MTMR7: variants seen among roughly 807,000 people sequenced by gnomAD.
MTMR7 encodes myotubularin related protein 7, also known as phosphatidylinositol-3-phosphate phosphatase MTMR7.
In MTMR7, 76 loss-of-function variants were observed where a neutral mutation model predicts 81.2. The ratio of observed to expected loss-of-function variants is 0.94; its 90% CI spans 0.78 to 1.13. The LOEUF (loss-of-function observed/expected upper bound fraction) is 1.13, where lower values mean the gene tolerates loss of function less well. Among genes scored for constraint, MTMR7 ranks in the 50% most tolerant of loss-of-function variants. MTMR7 has a pLI of 0.00. For missense variants in MTMR7, 1,044 were observed against 820.0 expected, an observed-to-expected ratio of 1.27 and a Z score of -3.34; for synonymous variants, 372 against 289.8, an observed-to-expected ratio of 1.28 and a Z score of -2.88.
At chr8:17,407,066 C>CA (rs1408448128) in intron 1 of MTMR7, among the ~76,000 whole-genome samples, 14 of 151,766 alleles carry the variant, frequency 9.2e-5, no homozygotes, top group Non-Finnish European at 1.8e-4. Flanking sequence ...GTGAATATAC[C>CA]AAAAAATCAC....
At chr8:17,372,186 C>T (rs1297556621) in intron 2 of MTMR7, among the ~76,000 whole-genome samples, 1 of 152,120 alleles carries the variant, frequency 6.6e-6, no homozygotes, top group Non-Finnish European at 1.5e-5. Flanking sequence ...GTTTCCCCTC[C>T]ACTAAGAAGT....
At chr8:17,380,443 G>T (rs1362945196) in intron 1 of MTMR7, among the ~76,000 whole-genome samples, 1 of 152,006 alleles carries the variant, frequency 6.6e-6, no homozygotes, top group Admixed American at 6.6e-5. Context: ...GATCCTGCAG[G>T]GAACAGGTGG....
At chr8:17,376,849 T>C (rs1820604804) in intron 1 of MTMR7, among the ~76,000 whole-genome samples, 1 of 152,154 alleles carries the variant, frequency 6.6e-6, no homozygotes, top group Non-Finnish European at 1.5e-5. Flanking sequence ...GCCTTTTTGA[T>C]ATGTATTTGG....
chr8:17,368,067 A>C (rs2150562519), intron 3 of MTMR7, among the ~76,000 whole-genome samples: 1 of 151,380 alleles, frequency 6.6e-6, no homozygotes, highest in East Asian at 1.9e-4. Context: ...GTGGAAGACA[A>C]TTTTTCTGTG....
chr8:17,333,330 T>C (rs1272256973), intron 6 of MTMR7, among the ~76,000 whole-genome samples: 3 of 152,242 alleles, frequency 2.0e-5, no homozygotes, highest in Non-Finnish European at 4.4e-5. Flanking sequence ...TTTGTAAAAT[T>C]ACCTATAGAC....
chr8:17,348,909 C>G, intron 5 of MTMR7, 44 bp downstream of exon 5: 1 of 1,611,372 alleles, frequency 6.2e-7, no homozygotes, highest in Non-Finnish European at 8.5e-7. Flanking sequence ...TTATGATAAA[C>G]TAGAAAAGCA....
At chr8:17,313,992 G>C (rs1015908175) in intron 7 of MTMR7, among the ~76,000 whole-genome samples, 1 of 152,198 alleles carries the variant, frequency 6.6e-6, no homozygotes, top group African/African-American at 2.4e-5. Context: ...TAGAGCATCA[G>C]GGTAGAGGCT....
intron 1 of MTMR7, among the ~76,000 whole-genome samples, chr8:17,401,040 T>C (rs1241214253): frequency 1.3e-5 from 2 of 152,142 alleles, no homozygotes; most frequent in South Asian, 2.1e-4. Flanking sequence ...TTCAGTGTTG[T>C]ATATAAATGC....
At chr8:17,318,830 G>A (rs932559786) in intron 7 of MTMR7, among the ~76,000 whole-genome samples, 5 of 152,168 alleles carry the variant, frequency 3.3e-5, no homozygotes, top group African/African-American at 1.2e-4. Context: ...AGCCTCCACA[G>A]GCATCCTCTC....
In MTMR7 at chr8:17,373,440, A is replaced by G. The variant is rs1438167957; in HGVS notation, c.25-200T>C. The stretch of plus-strand genomic sequence containing the variant: ...GTATATTAAAAGATGAACATTCACC[A>G]GTTACGAAAATATGAGTTTAAAGGT... On this transcript the variant is annotated intron_variant, in intron 1 of 13. Coordinates refer to ENST00000180173, the MANE Select transcript of MTMR7 (RefSeq NM_004686.5). Among the ~76,000 whole-genome samples the G allele has an allele frequency of 7.2e-5, 11 of 152,226 alleles. 1 individual carries two copies. The highest frequency in any genetic ancestry group is 7.2e-4 in the Admixed American group (11 of 15,286).
intron 1 of MTMR7, among the ~76,000 whole-genome samples, chr8:17,375,658 A>G (rs1820563528): frequency 6.6e-6 from 1 of 152,204 alleles, no homozygotes; most frequent in African/African-American, 2.4e-5. Context: ...TAAGGCTAGT[A>G]GCCCAAGGCC....
chr8:17,412,454 G>A (rs1462643914), intron 1 of MTMR7, among the ~76,000 whole-genome samples: 1 of 152,034 alleles, frequency 6.6e-6, no homozygotes, highest in Non-Finnish European at 1.5e-5. Context: ...ACTCGTTTAG[G>A]GTTTTTATCA....
chr8:17,376,416 G>A (rs1383783456), intron 1 of MTMR7, among the ~76,000 whole-genome samples: 3 of 152,178 alleles, frequency 2.0e-5, no homozygotes, highest in Non-Finnish European at 4.4e-5. Flanking sequence ...ATAAGTTTTT[G>A]TATGGACATA....
rs367618699 is a variant in MTMR7 at position 17,300,053 on chromosome 8, C to G, written c.1792G>C (p.Asp598His). 5.0e-6 allele frequency: 8 copies of G among 1,614,144 alleles called. No individual in the cohort carries two copies. In the Admixed American group the frequency reaches 5.0e-5, roughly 10 times the overall value. ...SFPSRSPSQG[D>H]EDSALILTQD... ...GTTAGAATCAGAGCAGAATCTTCATCGCCTTGTGAAGGGCTCCGGGATGGA... is the reference window on the plus strand; with the variant it reads ...GTTAGAATCAGAGCAGAATCTTCATGGCCTTGTGAAGGGCTCCGGGATGGA... Residue 598 changes from aspartate to histidine, a missense_variant, in exon 14 of 14, where the codon GAT becomes CAT. Transcript: ENST00000180173.
chr8:17,305,639 C>T lies in MTMR7; in HGVS notation c.1352+118G>A, dbSNP rs1817399259. ...GAAAAAGAAAATAAAACTAATCTGT[C>T]AGTATAGGTATGTGACTAAATGAAA... On this transcript the variant is annotated intron_variant, in intron 11 of 13. Transcript: ENST00000180173. The T allele has an allele frequency of 6.5e-6, 5 of 763,854 alleles. No homozygotes were observed. In the South Asian group the frequency reaches 7.6e-5, roughly 12 times the overall value. The allele number at this position is 763,854 out of a possible 1,614,324, so 47.3% of individuals were successfully genotyped here. A position where few individuals can be genotyped will look rare whatever the true frequency, so the allele number is the denominator to read the frequency against.
intron 7 of MTMR7, 142 bp downstream of exon 7, chr8:17,331,007 GT>G: frequency 2.0e-6 from 2 of 988,812 alleles, no homozygotes; most frequent in Non-Finnish European, 2.9e-6. Flanking sequence ...GTTCTTAAGT[GT>G]TTAAAAAGCC....
chr8:17,346,922 C>T (rs919958753), intron 5 of MTMR7, among the ~76,000 whole-genome samples: 4 of 140,602 alleles, frequency 2.8e-5, no homozygotes, highest in Admixed American at 2.2e-4. Flanking sequence ...AGGCAAGGGG[C>T]GGCGCCTCAC....
intron 7 of MTMR7, among the ~76,000 whole-genome samples, chr8:17,328,641 GTTGA>G (rs1404893542): frequency 6.6e-6 from 1 of 152,086 alleles, no homozygotes; most frequent in Non-Finnish European, 1.5e-5. Flanking sequence ...TAGATGATGG[GTTGA>G]CAGGTGCAGC....
chr8:17,369,073 G>A (rs373905264), intron 3 of MTMR7, among the ~76,000 whole-genome samples: 1 of 152,262 alleles, frequency 6.6e-6, no homozygotes, highest in East Asian at 1.9e-4. Context: ...CCAGTTCGCT[G>A]GGCTATTCCT....
Sources: allele counts gnomAD v4.1 joint callset (sites outside exome capture counted in the v4.1 genomes callset), GRCh38; gene constraint gnomAD v4.1.1; transcripts MANE v1.5; gene names NCBI Gene and HGNC (gene_info 2026-07-23, HGNC 2026-07-21).